The following GNAS-AS1 variants were observed in gnomAD, a reference collection of about 807,000 sequenced individuals.
GNAS-AS1 encodes the protein GNAS antisense RNA 1 (non-protein coding).
chr20:58,823,301 C>T (rs1281808650), intron 4 of GNAS-AS1, among the ~76,000 whole-genome samples: 3 of 152,222 alleles, frequency 2.0e-5, no homozygotes, highest in African/African-American at 7.2e-5. Context: ...CAGAAACTGA[C>T]CCTGAACACG....
intron 4 of GNAS-AS1, among the ~76,000 whole-genome samples, chr20:58,830,253 C>A (rs1478609010): frequency 3.5e-5 from 5 of 142,930 alleles, no homozygotes; most frequent in African/African-American, 5.3e-5. Context: ...CCACCACCAT[C>A]AACGCCACAC....
At chr20:58,828,519 C>G (rs2085534672) in intron 4 of GNAS-AS1, among the ~76,000 whole-genome samples, 1 of 152,244 alleles carries the variant, frequency 6.6e-6, no homozygotes, top group Non-Finnish European at 1.5e-5. Flanking sequence ...GCTGGTCCCA[C>G]CTCTCTAAGC....
At chr20:58,821,802 C>T (rs1600642359) in intron 4 of GNAS-AS1, among the ~76,000 whole-genome samples, 2 of 152,132 alleles carry the variant, frequency 1.3e-5, no homozygotes, top group African/African-American at 2.4e-5. Context: ...GAACTCTGAC[C>T]CACTAAGGAA....
At chr20:58,850,500 C>G (rs1010973728) in intron 1 of GNAS-AS1, 51 of 398,414 alleles carry the variant, frequency 1.3e-4, no homozygotes, top group Non-Finnish European at 2.2e-4. Context: ...TGGCAGCCTC[C>G]CTGGGGCTCC....
chr20:58,835,139 G>A (rs1279225099), intron 4 of GNAS-AS1, among the ~76,000 whole-genome samples: 1 of 151,324 alleles, frequency 6.6e-6, no homozygotes, highest in Non-Finnish European at 1.5e-5. Context: ...GAGCCTTACT[G>A]GCTGATTGCC....
At chr20:58,832,319 T>G (rs1389388559) in intron 4 of GNAS-AS1, among the ~76,000 whole-genome samples, 2 of 152,184 alleles carry the variant, frequency 1.3e-5, no homozygotes, top group East Asian at 3.8e-4. Flanking sequence ...AATAGTGACC[T>G]GAACAGATTG....
At chr20:58,819,738 T>C (rs906175530) in intron 4 of GNAS-AS1, among the ~76,000 whole-genome samples, 1 of 152,100 alleles carries the variant, frequency 6.6e-6, no homozygotes, top group Non-Finnish European at 1.5e-5. Flanking sequence ...GGGCAAGGAA[T>C]GGGAACCCAA....
intron 4 of GNAS-AS1, among the ~76,000 whole-genome samples, chr20:58,822,826 G>A (rs556361648): frequency 3.3e-5 from 5 of 152,106 alleles, no homozygotes; most frequent in South Asian, 4.2e-4. Flanking sequence ...TGAGGTTAGC[G>A]CTCACATCTC....
chr20:58,839,098 C>T (rs772947534), intron 4 of GNAS-AS1: 1 of 398,536 alleles, frequency 2.5e-6, no homozygotes, highest in Non-Finnish European at 4.4e-6. Flanking sequence ...ACCACCTTCT[C>T]AGCTCAATCG....
At chr20:58,849,190 A>G (rs1201800260) in intron 1 of GNAS-AS1, among the ~76,000 whole-genome samples, 1 of 152,136 alleles carries the variant, frequency 6.6e-6, no homozygotes, top group Non-Finnish European at 1.5e-5. Context: ...TCAACATCCT[A>G]CAATGCACAG....
chr20:58,840,356 T>A lies in GNAS-AS1; in HGVS notation n.819+1581A>T, dbSNP rs747330417. 6.2e-7 allele frequency: 1 copy of A among 1,613,170 alleles called. No individual in the cohort carries two copies. Among genetic ancestry groups the A allele is most frequent in the Non-Finnish European group, 8.5e-7 (1 of 1,179,974 alleles). ...ATTCCCTGAGTCCCCCGAATCGGAA[T>A]CTGACCACGAGCACGAGGAGGCAGA... is the stretch of plus-strand genomic sequence containing the variant. On this transcript the variant is annotated intron_variant and non_coding_transcript_variant, in intron 4 of 4. Transcript: ENST00000424094. This position sits in a 1 kb window ranked among gnomAD's most constrained non-coding sequence, Gnocchi z 6.0.
Position 58,836,667 on chromosome 20 carries a change from C to T in GNAS-AS1, n.819+5270G>A, listed in dbSNP as rs539724728. On this transcript the variant is annotated intron_variant and non_coding_transcript_variant, in intron 4 of 4. Transcript: ENST00000424094. ...CTCCTTTTTGAAATTCACTCTGCAG[C>T]GAGCACTTTTTAAAGTCACGCACGT... 1.1e-4 allele frequency: 16 copies of T among 152,294 alleles called. No individual in the cohort carries two copies. The East Asian group carries it at 1.5e-3, about 15-fold the overall frequency. 9.4% of individuals were successfully genotyped at this position (152,294 alleles called of 1,614,324 possible).
At chr20:58,849,505 A>G (rs1039641090) in intron 1 of GNAS-AS1, among the ~76,000 whole-genome samples, 4 of 152,124 alleles carry the variant, frequency 2.6e-5, no homozygotes, top group African/African-American at 7.2e-5. Flanking sequence ...TCTTTTTCTG[A>G]ACTTCAGACC....
intron 4 of GNAS-AS1, among the ~76,000 whole-genome samples, chr20:58,836,721 G>A (rs748486826): frequency 2.6e-5 from 4 of 152,148 alleles, no homozygotes; most frequent in Non-Finnish European, 5.9e-5. Context: ...TCTGCTGTAC[G>A]GCTCCATTTG....
intron 4 of GNAS-AS1, among the ~76,000 whole-genome samples, chr20:58,822,276 T>C (rs1306685797): frequency 6.6e-6 from 1 of 152,122 alleles, no homozygotes; most frequent in Non-Finnish European, 1.5e-5. Context: ...TAATAATAGC[T>C]CCACTTTACT....
intron 4 of GNAS-AS1, among the ~76,000 whole-genome samples, chr20:58,819,489 T>G (rs1403259700): frequency 6.6e-6 from 1 of 152,222 alleles, no homozygotes; most frequent in African/African-American, 2.4e-5. Flanking sequence ...GTTATGGTTT[T>G]GAAAACATGG....
At chr20:58,843,349 G>T (rs553893189) in intron 2 of GNAS-AS1, 1 of 152,088 alleles carries the variant, frequency 6.6e-6, no homozygotes, top group Non-Finnish European at 1.5e-5. Flanking sequence ...TCCCTGAGAA[G>T]ACAGGATTTT....
At chr20:58,839,546 G>GGCCACCCGCCAT (rs1327815719) in intron 4 of GNAS-AS1, 26 of 402,920 alleles carry the variant, frequency 6.5e-5, no homozygotes, top group Non-Finnish European at 9.2e-5. Flanking sequence ...CCACCCGCCA[G>GGCCACCCGCCAT]GCCCCCCGCC....
rs999596708 is a variant in GNAS-AS1, at chr20:58,842,691, A to G, written n.414-146T>C. 88 of 395,684 alleles carry G rather than the reference A, an allele frequency of 2.2e-4. No homozygotes were observed. The East Asian group carries it at 3.2e-3, about 14-fold the overall frequency. 24.5% of individuals were successfully genotyped at this position (395,684 alleles called of 1,614,324 possible). A position where few individuals can be genotyped will look rare whatever the true frequency, so the allele number is the denominator to read the frequency against. ...TCGAAATTCCTGCTTAATGTAAACA[A>G]TGATGGTGTGTTGGCTTTCTGTGAC... On this transcript the variant is annotated intron_variant and non_coding_transcript_variant, in intron 2 of 4. Coordinates refer to ENST00000424094, the Ensembl canonical transcript of GNAS-AS1.
Sources: allele counts gnomAD v4.1 joint callset (sites outside exome capture counted in the v4.1 genomes callset), GRCh38; gene constraint gnomAD v4.1.1; non-coding constraint Gnocchi (gnomAD v3.1); transcripts MANE v1.5; gene names NCBI Gene and HGNC (gene_info 2026-07-23, HGNC 2026-07-21).